Variants in GRM7 observed in about 807,000 individuals in gnomAD.
GRM7 encodes glutamate metabotropic receptor 7, also known as metabotropic glutamate receptor 7.
A neutral mutation model predicts 84.5 loss-of-function variants in GRM7; 35 were observed. The ratio of observed to expected loss-of-function variants is 0.41; its 90% CI spans 0.32 to 0.55. The LOEUF is 0.55. GRM7 is among the 20% of genes least tolerant of loss of function. The pLI, the probability that GRM7 is intolerant of heterozygous loss-of-function variation, is 0.19. For missense variants in GRM7, 1,003 were observed against 1,194.6 expected, an observed-to-expected ratio of 0.84 and a Z score of 2.36; for synonymous variants, 487 against 455.1, an observed-to-expected ratio of 1.07 and a Z score of -0.89.
chr3:7,739,000 C>T (rs1023173328), intron 9 of GRM7, among the ~76,000 whole-genome samples: 1 of 152,174 alleles, frequency 6.6e-6, no homozygotes, highest in African/African-American at 2.4e-5. Flanking sequence ...CATACGGTGA[C>T]TCAGTTCTCA....
rs56887284 is a variant in GRM7 at position 7,075,709 on chromosome 3, A to G, written c.520-70743A>G. ...CCCAGCCAATTTTTGTATTTTTAGT[A>G]GAGACAGGGTTTCACCATGTTGGCC... On this transcript the variant is annotated intron_variant, in intron 1 of 9. Transcript: ENST00000357716. Among the ~76,000 whole-genome samples, 295 of 152,156 alleles carry G rather than the reference A, an allele frequency of 1.9e-3. 3 individuals carry two copies. Among genetic ancestry groups the G allele is most frequent in the African/African-American group, 6.8e-3 (283 of 41,514 alleles).
intron 2 of GRM7, among the ~76,000 whole-genome samples, chr3:7,253,329 C>T (rs1270358122): frequency 2.0e-5 from 3 of 152,106 alleles, no homozygotes; most frequent in African/African-American, 7.2e-5. Flanking sequence ...AAGCATTTTA[C>T]ATATTTAAGT....
chr3:7,451,224 A>G (rs560352089), intron 5 of GRM7, among the ~76,000 whole-genome samples: 25 of 152,318 alleles, frequency 1.6e-4, no homozygotes, highest in Middle Eastern at 3.4e-3. Flanking sequence ...ATTTAATGCA[A>G]CAAGTGTTAT....
At chr3:7,399,515 A>G (rs1334278166) in intron 4 of GRM7, among the ~76,000 whole-genome samples, 1 of 152,124 alleles carries the variant, frequency 6.6e-6, no homozygotes, top group African/African-American at 2.4e-5. Context: ...CATCTGTGAA[A>G]TGGGGATAAG....
At chr3:6,975,540 G>A (rs1190828384) in intron 1 of GRM7, among the ~76,000 whole-genome samples, 2 of 152,130 alleles carry the variant, frequency 1.3e-5, no homozygotes, top group South Asian at 2.1e-4. Flanking sequence ...TCCTTAAAAC[G>A]TTTTATATCA....
At chr3:7,448,784 C>T (rs1054835991) in intron 5 of GRM7, among the ~76,000 whole-genome samples, 2 of 151,968 alleles carry the variant, frequency 1.3e-5, no homozygotes, top group Admixed American at 6.6e-5. Flanking sequence ...CAATGTTTCA[C>T]AGATAATAAA....
At chr3:7,593,453 C>G (rs1020051254) in intron 8 of GRM7, among the ~76,000 whole-genome samples, 3 of 152,036 alleles carry the variant, frequency 2.0e-5, no homozygotes, top group Non-Finnish European at 4.4e-5. Flanking sequence ...AAAAGTGAGA[C>G]AATATGCAAA....
intron 4 of GRM7, among the ~76,000 whole-genome samples, chr3:7,401,392 G>A (rs938761493): frequency 1.3e-5 from 2 of 152,078 alleles, no homozygotes; most frequent in Admixed American, 1.3e-4. Context: ...GAAACATCAT[G>A]TCCAAGGCAA....
chr3:7,007,692 T>C (rs1319671508), intron 1 of GRM7, among the ~76,000 whole-genome samples: 1 of 152,192 alleles, frequency 6.6e-6, no homozygotes, highest in African/African-American at 2.4e-5. Context: ...TTTTCATTTA[T>C]TTATGAAAGA....
At chr3:7,713,004 T>A (rs1181593797) in intron 9 of GRM7, among the ~76,000 whole-genome samples, 1 of 152,070 alleles carries the variant, frequency 6.6e-6, no homozygotes, top group Admixed American at 6.6e-5. Context: ...AGGATGCCAA[T>A]CACTAGATTA....
intron 7 of GRM7, chr3:7,561,575 TA>T: frequency 2.2e-6 from 1 of 456,446 alleles, no homozygotes; most frequent in Non-Finnish European, 4.4e-6. Context: ...CTTAGTAGTG[TA>T]AGCATATTTT....
intron 2 of GRM7, among the ~76,000 whole-genome samples, chr3:7,290,939 C>G (rs1575125770): frequency 6.6e-6 from 1 of 151,968 alleles, no homozygotes; most frequent in African/African-American, 2.4e-5. Context: ...CCTCTATCAC[C>G]AAAATCTTTG....
chr3:7,584,600 T>C (rs575701452), intron 8 of GRM7, among the ~76,000 whole-genome samples: 223 of 152,254 alleles, frequency 1.5e-3, no homozygotes, highest in Non-Finnish European at 2.3e-3. Context: ...TATTTTGAAA[T>C]GGGAATTTTG....
At chr3:7,198,215 G>T (rs1486874729) in intron 2 of GRM7, among the ~76,000 whole-genome samples, 1 of 151,620 alleles carries the variant, frequency 6.6e-6, no homozygotes, top group Non-Finnish European at 1.5e-5. Context: ...AGATATAATT[G>T]GTCTGGCTAT....
At chr3:6,939,339 A>T (rs997015904) in intron 1 of GRM7, among the ~76,000 whole-genome samples, 2 of 152,152 alleles carry the variant, frequency 1.3e-5, no homozygotes, top group Admixed American at 1.3e-4. Flanking sequence ...TCACATACAG[A>T]ATACTTTGTC....
At chr3:7,462,267 C>G (rs1698278974) in intron 7 of GRM7, among the ~76,000 whole-genome samples, 2 of 152,108 alleles carry the variant, frequency 1.3e-5, no homozygotes, top group African/African-American at 4.8e-5. Flanking sequence ...CAGCCAATGT[C>G]CCAGCTCCAA....
At chr3:7,260,673 T>TTGTGTGTGTGTGTGTGTGTGTG (rs71063292) in intron 2 of GRM7, among the ~76,000 whole-genome samples, 10 of 144,530 alleles carry the variant, frequency 6.9e-5, no homozygotes, top group South Asian at 2.3e-4. Flanking sequence ...TTCTTTTGAA[T>TTGTGTGTGTGTGTGTGTGTGTG]TGTGTGTGTG....
chr3:6,957,717 A>G (rs1258817817), intron 1 of GRM7, among the ~76,000 whole-genome samples: 3 of 152,196 alleles, frequency 2.0e-5, no homozygotes, highest in African/African-American at 7.2e-5. Flanking sequence ...CTATTGTCCA[A>G]GATATTTACC....
intron 2 of GRM7, among the ~76,000 whole-genome samples, chr3:7,254,050 AG>A (rs751757976): frequency 2.0e-5 from 3 of 152,106 alleles, no homozygotes; most frequent in Non-Finnish European, 2.9e-5. Context: ...AAGTGCAAGG[AG>A]AGGTAGGGTA....
Sources: gnomAD v4.1 joint callset for allele counts (sites outside exome capture counted in the v4.1 genomes callset) on GRCh38, gnomAD v4.1.1 for gene constraint, MANE v1.5 for transcripts, NCBI Gene and HGNC (gene_info 2026-07-23, HGNC 2026-07-21) for gene names.